DOCK4: variants seen among roughly 807,000 people sequenced by gnomAD.
DOCK4 encodes dedicator of cytokinesis 4, also known as dedicator of cytokinesis protein 4.
DOCK4 carries 97 observed loss-of-function variants against 268.1 expected under a neutral mutation model. The ratio of observed to expected loss-of-function variants is 0.36; its 90% CI spans 0.31 to 0.43. The LOEUF (loss-of-function observed/expected upper bound fraction) is 0.43. Ranked by LOEUF, DOCK4 falls within the 20% of genes least tolerant of loss-of-function variation. The probability of loss-of-function intolerance (pLI) is 1.00; values close to 1 mark genes in which losing one functional copy is unlikely to be tolerated. For missense variants in DOCK4, 2,145 were observed against 2,455.7 expected, an observed-to-expected ratio of 0.87 and a Z score of 2.67; for synonymous variants, 954 against 887.2, an observed-to-expected ratio of 1.08 and a Z score of -1.34.
intron 30 of DOCK4, among the ~76,000 whole-genome samples, chr7:111,805,057 C>G (rs1395688229): frequency 1.3e-5 from 2 of 152,168 alleles, no homozygotes; most frequent in Non-Finnish European, 2.9e-5. Flanking sequence ...CTTTCTGTCC[C>G]CAGGATCTAC....
At chr7:111,887,402 T>C (rs1807933798) in intron 16 of DOCK4, among the ~76,000 whole-genome samples, 1 of 152,112 alleles carries the variant, frequency 6.6e-6, no homozygotes, top group African/African-American at 2.4e-5. Flanking sequence ...AAGACACAGA[T>C]GGTAGCCAAG....
At chr7:112,101,575 T>C (rs1014499167) in intron 1 of DOCK4, among the ~76,000 whole-genome samples, 1 of 152,204 alleles carries the variant, frequency 6.6e-6, no homozygotes, top group Non-Finnish European at 1.5e-5. Flanking sequence ...GTTGTTATGA[T>C]TTTCCACACA....
At chr7:112,082,822 T>G (rs1808725286) in intron 1 of DOCK4, among the ~76,000 whole-genome samples, 1 of 152,156 alleles carries the variant, frequency 6.6e-6, no homozygotes, top group African/African-American at 2.4e-5. Flanking sequence ...TATTCATGTA[T>G]CTGAAAAATA....
At chr7:111,867,838 G>T (rs1251775346) in intron 22 of DOCK4, 146 bp downstream of exon 22, 1 of 789,578 alleles carries the variant, frequency 1.3e-6, no homozygotes, top group Non-Finnish European at 1.8e-6. Context: ...AATTTTAAAA[G>T]TCTACTCATA....
intron 8 of DOCK4, among the ~76,000 whole-genome samples, chr7:111,973,838 T>G (rs1018503534): frequency 6.6e-6 from 1 of 152,278 alleles, no homozygotes; most frequent in Non-Finnish European, 1.5e-5. Context: ...TTCCTTACAA[T>G]AGTCTACTTC....
chr7:111,969,815 G>C (rs1245502327), intron 8 of DOCK4, among the ~76,000 whole-genome samples: 1 of 152,158 alleles, frequency 6.6e-6, no homozygotes, highest in East Asian at 1.9e-4. Flanking sequence ...CTATCACCAT[G>C]TAGTACAGAA....
At chr7:111,743,398 G>A (rs1435757936) in intron 44 of DOCK4, among the ~76,000 whole-genome samples, 1 of 152,202 alleles carries the variant, frequency 6.6e-6, no homozygotes. Flanking sequence ...TTCCCTAAGG[G>A]ACGGGGCTCT....
At chr7:112,127,111 G>A (rs1318894155) in intron 1 of DOCK4, among the ~76,000 whole-genome samples, 4 of 150,444 alleles carry the variant, frequency 2.7e-5, no homozygotes, top group Admixed American at 6.6e-5. Flanking sequence ...ACATGCACAC[G>A]TATGTTTATT....
chr7:111,748,468 A>G (rs540133536), intron 42 of DOCK4, among the ~76,000 whole-genome samples: 136 of 152,314 alleles, frequency 8.9e-4, no homozygotes, highest in Admixed American at 3.0e-3. Flanking sequence ...TTAAACAACC[A>G]CTTACAAAGG....
At chr7:112,177,841 A>G (rs573797765) in intron 1 of DOCK4, among the ~76,000 whole-genome samples, 4 of 152,278 alleles carry the variant, frequency 2.6e-5, no homozygotes, top group South Asian at 4.2e-4. Context: ...TGCTTAAAGG[A>G]AAGGACACCT....
At chr7:111,934,785 C>T (rs1185226728) in intron 12 of DOCK4, among the ~76,000 whole-genome samples, 2 of 151,104 alleles carry the variant, frequency 1.3e-5, no homozygotes, top group Non-Finnish European at 3.0e-5. Context: ...GTGATCCGCC[C>T]GCCTCGGCCT....
chr7:111,846,729 G>A (rs914682172), intron 24 of DOCK4, among the ~76,000 whole-genome samples: 3 of 152,186 alleles, frequency 2.0e-5, no homozygotes, highest in African/African-American at 7.2e-5. Flanking sequence ...AAAGACACAC[G>A]TGGGAGGCTT....
intron 1 of DOCK4, among the ~76,000 whole-genome samples, chr7:112,086,972 A>C (rs1225443157): frequency 6.6e-6 from 1 of 152,138 alleles, no homozygotes; most frequent in Non-Finnish European, 1.5e-5. Flanking sequence ...ATTTTAATGA[A>C]TAACCTTGCA....
intron 1 of DOCK4, among the ~76,000 whole-genome samples, chr7:112,122,313 A>G (rs1812803769): frequency 6.6e-6 from 1 of 152,180 alleles, no homozygotes; most frequent in African/African-American, 2.4e-5. Flanking sequence ...CTCTATACCC[A>G]TTAACTCCTC....
At chr7:112,115,629 C>G (rs992103569) in intron 1 of DOCK4, among the ~76,000 whole-genome samples, 12 of 122,328 alleles carry the variant, frequency 9.8e-5, no homozygotes, top group Non-Finnish European at 2.0e-4. Context: ...ATCAATCCAC[C>G]CATTCATCCA....
rs186405885 is a variant in DOCK4, at chr7:111,994,671, T to C, written c.219-440A>G. 1.1e-3 allele frequency among the ~76,000 whole-genome samples: 175 copies of C among 152,320 alleles called. No homozygotes were observed. The Middle Eastern group carries it at 0.014, about 12-fold the overall frequency. ...TTCAATCACCAGGACATGATGGCTG[T>C]GGGCATCCAAACTAACTCAGTGTTA... On this transcript the variant is annotated intron_variant, in intron 4 of 52. Coordinates refer to ENST00000428084, the MANE Select transcript of DOCK4 (RefSeq NM_001363540.2).
chr7:111,995,169 C>G (rs1193456238), intron 4 of DOCK4, among the ~76,000 whole-genome samples: 1 of 151,676 alleles, frequency 6.6e-6, no homozygotes, highest in Admixed American at 6.6e-5. Context: ...GTAGCTGGGA[C>G]TACAGGTGCC....
At chr7:111,990,385 T>G (rs1347160084) in intron 5 of DOCK4, among the ~76,000 whole-genome samples, 1 of 152,216 alleles carries the variant, frequency 6.6e-6, no homozygotes, top group African/African-American at 2.4e-5. Context: ...TGAGTGGACC[T>G]CATGAGTAGT....
chr7:111,967,295 T>C (rs371822821), intron 8 of DOCK4, among the ~76,000 whole-genome samples: 1 of 17,686 alleles, frequency 5.7e-5, no homozygotes, highest in Non-Finnish European at 8.4e-5. Flanking sequence ...ACATGATTGT[T>C]TATCTAGAAA....
Sources: allele counts gnomAD v4.1 joint callset (sites outside exome capture counted in the v4.1 genomes callset), GRCh38; gene constraint gnomAD v4.1.1; transcripts MANE v1.5; gene names NCBI Gene and HGNC (gene_info 2026-07-23, HGNC 2026-07-21).